Variants in UVRAG observed in about 807,000 individuals in gnomAD.
The protein encoded by UVRAG is UV radiation resistance-associated gene protein.
UVRAG carries 19 observed loss-of-function variants against 78.0 expected under a neutral mutation model. The observed-to-expected ratio is 0.24, with a 90% CI of 0.17 to 0.36. The LOEUF (loss-of-function observed/expected upper bound fraction) is 0.36, where lower values mean the gene tolerates loss of function less well. Among genes scored for constraint, UVRAG ranks in the 10% least tolerant of loss-of-function variants. UVRAG has a pLI of 1.00. For missense variants in UVRAG, 740 were observed against 853.8 expected (o/e 0.87, Z 1.66); for synonymous variants, 323 against 324.6 (o/e 1.00, Z 0.05).
intron 13 of UVRAG, among the ~76,000 whole-genome samples, chr11:76,087,380 G>A (rs1011407558): frequency 2.6e-5 from 4 of 152,106 alleles, no homozygotes; most frequent in African/African-American, 9.7e-5. Flanking sequence ...TAGAGACTCT[G>A]ACTAATTAGG....
intron 14 of UVRAG, among the ~76,000 whole-genome samples, chr11:76,136,045 A>T (rs1337499516): frequency 5.9e-5 from 9 of 152,254 alleles, no homozygotes; most frequent in Non-Finnish European, 1.3e-4. Flanking sequence ...CAACCTCTTC[A>T]TCTAGATGAA....
chr11:75,975,350 C>T (rs1234825833), intron 7 of UVRAG, among the ~76,000 whole-genome samples: 1 of 152,158 alleles, frequency 6.6e-6, no homozygotes, highest in South Asian at 2.1e-4. Flanking sequence ...GCAATGCGGG[C>T]TCTTTTTTGG....
intron 7 of UVRAG, 90 bp from the exon 8 acceptor site, chr11:75,983,297 C>T (rs960293427): frequency 2.2e-5 from 27 of 1,200,702 alleles, no homozygotes; most frequent in Non-Finnish European, 2.9e-5. Context: ...TGTTTTAAGC[C>T]ATTATTTATT....
chr11:75,862,129 A>AT (rs1380922535), intron 3 of UVRAG, among the ~76,000 whole-genome samples: 1 of 152,158 alleles, frequency 6.6e-6, no homozygotes, highest in Non-Finnish European at 1.5e-5. Context: ...GAATGAACTG[A>AT]TTTTTCTGTT....
intron 4 of UVRAG, among the ~76,000 whole-genome samples, chr11:75,885,612 A>C (rs537481225): frequency 6.6e-6 from 1 of 152,208 alleles, no homozygotes; most frequent in South Asian, 2.1e-4. Flanking sequence ...GTTTTTCGTA[A>C]AGATATCAAA....
chr11:76,140,427 T>C (rs1004761208), intron 14 of UVRAG, among the ~76,000 whole-genome samples: 13 of 152,164 alleles, frequency 8.5e-5, no homozygotes, highest in Non-Finnish European at 1.8e-4. Flanking sequence ...ACTTCACCTC[T>C]TCCCCATAGG....
At chr11:75,940,743 T>A (rs1333951223) in intron 6 of UVRAG, among the ~76,000 whole-genome samples, 2 of 152,156 alleles carry the variant, frequency 1.3e-5, no homozygotes, top group African/African-American at 4.8e-5. Flanking sequence ...AGAATAAACC[T>A]TTGAAAAAAT....
At chr11:76,090,746 T>G (rs1356524885) in intron 13 of UVRAG, among the ~76,000 whole-genome samples, 3 of 152,212 alleles carry the variant, frequency 2.0e-5, no homozygotes, top group Non-Finnish European at 4.4e-5. Flanking sequence ...TATAACTAAT[T>G]TCATCCTAAA....
At chr11:76,139,534 C>A (rs898703934) in intron 14 of UVRAG, among the ~76,000 whole-genome samples, 3 of 152,150 alleles carry the variant, frequency 2.0e-5, no homozygotes, top group African/African-American at 7.2e-5. Flanking sequence ...CTGCAAGCCA[C>A]TTAACCCTCT....
intron 8 of UVRAG, among the ~76,000 whole-genome samples, chr11:75,987,458 T>C (rs1949522308): frequency 6.6e-6 from 1 of 152,236 alleles, no homozygotes; most frequent in African/African-American, 2.4e-5. Flanking sequence ...TTTACAGTCA[T>C]CTCACCTGCA....
At chr11:75,955,573 A>C (rs965478873) in intron 6 of UVRAG, among the ~76,000 whole-genome samples, 1 of 152,104 alleles carries the variant, frequency 6.6e-6, no homozygotes, top group Non-Finnish European at 1.5e-5. Context: ...TTAAGTGTAA[A>C]ATCTGTGAGT....
At chr11:75,831,909 C>T (rs1284610336) in intron 1 of UVRAG, among the ~76,000 whole-genome samples, 1 of 152,130 alleles carries the variant, frequency 6.6e-6, no homozygotes, top group Non-Finnish European at 1.5e-5. Context: ...AATCGTCTGA[C>T]ACAAAGCTGA....
intron 8 of UVRAG, among the ~76,000 whole-genome samples, chr11:75,986,957 A>T (rs1949511798): frequency 6.6e-6 from 1 of 152,218 alleles, no homozygotes; most frequent in African/African-American, 2.4e-5. Flanking sequence ...ACTCCTGAAT[A>T]ATACATTCAG....
intron 6 of UVRAG, among the ~76,000 whole-genome samples, chr11:75,919,161 T>G (rs1809398414): frequency 6.6e-6 from 1 of 152,196 alleles, no homozygotes; most frequent in South Asian, 2.1e-4. Flanking sequence ...AAGTATAAGG[T>G]ATAACTTTGT....
chr11:75,995,933 C>G (rs1949698337), intron 8 of UVRAG, among the ~76,000 whole-genome samples: 1 of 152,032 alleles, frequency 6.6e-6, no homozygotes, highest in Non-Finnish European at 1.5e-5. Context: ...GACCTGAGGA[C>G]AGATTCTCCC....
At chr11:75,932,440 A>G (rs1358845026) in intron 6 of UVRAG, among the ~76,000 whole-genome samples, 1 of 152,008 alleles carries the variant, frequency 6.6e-6, no homozygotes, top group Admixed American at 6.6e-5. Flanking sequence ...GTGCATCACC[A>G]TGCCCAGCTA....
At chr11:75,836,033 G>A (rs528964389) in intron 1 of UVRAG, among the ~76,000 whole-genome samples, 4 of 152,086 alleles carry the variant, frequency 2.6e-5, no homozygotes, top group South Asian at 2.1e-4. Context: ...CCCGGGAGGC[G>A]GAGGTTGCAG....
At chr11:76,087,164 A>G (rs769798588) in intron 13 of UVRAG, among the ~76,000 whole-genome samples, 4 of 152,188 alleles carry the variant, frequency 2.6e-5, no homozygotes, top group Non-Finnish European at 5.9e-5. Flanking sequence ...CTACATGCGC[A>G]CACACATACA....
At chr11:76,128,733 T>C (rs1183090598) in intron 14 of UVRAG, among the ~76,000 whole-genome samples, 1 of 152,094 alleles carries the variant, frequency 6.6e-6, no homozygotes, top group East Asian at 1.9e-4. Context: ...TCCCCCCACC[T>C]CTGCCTCCCA....
Sources: allele counts gnomAD v4.1 joint callset (sites outside exome capture counted in the v4.1 genomes callset), GRCh38; gene constraint gnomAD v4.1.1; transcripts MANE v1.5; gene names NCBI Gene and HGNC (gene_info 2026-07-23, HGNC 2026-07-21).